Variants in SGMS1 observed in about 807,000 individuals in gnomAD.
SGMS1 encodes phosphatidylcholine:ceramide cholinephosphotransferase 1.
Under a neutral mutation model 46.2 loss-of-function variants are expected in SGMS1, and 13 were observed. The observed-to-expected ratio is 0.28, with a 90% CI of 0.18 to 0.45. SGMS1 has a LOEUF of 0.45. SGMS1 is among the 20% of genes least tolerant of loss of function. The pLI is 1.00. For synonymous variants in SGMS1, 203 were observed against 187.8 expected, an observed-to-expected ratio of 1.08 and a Z score of -0.66; for missense variants, 324 against 519.9, an observed-to-expected ratio of 0.62 and a Z score of 3.66.
At chr10:50,406,079 T>A (rs1849010510) in intron 6 of SGMS1, among the ~76,000 whole-genome samples, 1 of 152,070 alleles carries the variant, frequency 6.6e-6, no homozygotes, top group South Asian at 2.1e-4. Flanking sequence ...AAAATAATAA[T>A]AAAGGCTCTG....
At chr10:50,527,459 A>T (rs949666740) in intron 2 of SGMS1, among the ~76,000 whole-genome samples, 4 of 152,208 alleles carry the variant, frequency 2.6e-5, no homozygotes, top group African/African-American at 9.6e-5. Flanking sequence ...AGGCACAGAG[A>T]GAAAATATAA....
At chr10:50,369,025 C>T (rs900512827) in intron 6 of SGMS1, among the ~76,000 whole-genome samples, 1 of 152,132 alleles carries the variant, frequency 6.6e-6, no homozygotes, top group Non-Finnish European at 1.5e-5. Flanking sequence ...TATATAACAT[C>T]AAACATATGA....
chr10:50,529,481 G>A (rs1435192382), intron 2 of SGMS1, among the ~76,000 whole-genome samples: 1 of 152,204 alleles, frequency 6.6e-6, no homozygotes, highest in Non-Finnish European at 1.5e-5. Flanking sequence ...GTGAGGGGCT[G>A]CCCGAGGAGG....
chr10:50,357,187 G>C (rs902419614), intron 6 of SGMS1, among the ~76,000 whole-genome samples: 1 of 151,372 alleles, frequency 6.6e-6, no homozygotes, highest in African/African-American at 2.4e-5. Flanking sequence ...ATTCAATTTG[G>C]CTCCAATTTT....
intron 3 of SGMS1, among the ~76,000 whole-genome samples, chr10:50,492,105 T>C (rs1837572533): frequency 6.6e-6 from 1 of 152,270 alleles, no homozygotes; most frequent in South Asian, 2.1e-4. Context: ...AGGGTTTTGA[T>C]AAAATTCAAC....
intron 2 of SGMS1, among the ~76,000 whole-genome samples, chr10:50,558,503 C>G (rs1195119176): frequency 6.6e-6 from 1 of 152,180 alleles, no homozygotes; most frequent in Non-Finnish European, 1.5e-5. Flanking sequence ...AAAATGGGAT[C>G]TGGCATCCTT....
intron 2 of SGMS1, among the ~76,000 whole-genome samples, chr10:50,526,710 T>C (rs939203346): frequency 6.6e-6 from 1 of 152,200 alleles, no homozygotes; most frequent in Non-Finnish European, 1.5e-5. Flanking sequence ...ATTCAATCCC[T>C]GATTCTGTTA....
intron 6 of SGMS1, among the ~76,000 whole-genome samples, chr10:50,356,960 T>TA (rs1848162770): frequency 6.6e-6 from 1 of 151,934 alleles, no homozygotes; most frequent in Admixed American, 6.6e-5. Flanking sequence ...GAGATATACC[T>TA]AATGCTAAAT....
At chr10:50,545,890 T>A (rs562227930) in intron 2 of SGMS1, among the ~76,000 whole-genome samples, 2 of 152,220 alleles carry the variant, frequency 1.3e-5, no homozygotes, top group South Asian at 4.2e-4. Context: ...GCCTCATAGG[T>A]CATAATAAAT....
intron 3 of SGMS1, among the ~76,000 whole-genome samples, chr10:50,495,949 G>T (rs529134806): frequency 6.6e-6 from 1 of 152,108 alleles, no homozygotes; most frequent in Non-Finnish European, 1.5e-5. Flanking sequence ...TGTTTACAGA[G>T]CTTTTTAAAG....
rs778335134 is a variant in SGMS1 at position 50,472,600 on chromosome 10, A to C, written c.-497-5668T>G. ...GATAATGGACTCCTAGGTTGTTTCCATATCTGAGCTATTGTGAATAAGGAC... is the reference window on the plus strand; with the variant it reads ...GATAATGGACTCCTAGGTTGTTTCCCTATCTGAGCTATTGTGAATAAGGAC... On this transcript the variant is annotated intron_variant, in intron 3 of 10. Coordinates refer to ENST00000361781, the MANE Select transcript of SGMS1 (RefSeq NM_147156.4). 1.7e-3 allele frequency among the ~76,000 whole-genome samples: 264 copies of C among 152,262 alleles called. 1 individual carries two copies. The highest frequency in any genetic ancestry group is 3.3e-3 in the Non-Finnish European group (223 of 68,008).
intron 6 of SGMS1, among the ~76,000 whole-genome samples, chr10:50,432,178 C>G (rs544082025): frequency 1.3e-5 from 2 of 152,184 alleles, no homozygotes; most frequent in South Asian, 4.2e-4. Flanking sequence ...TTATACCAGG[C>G]CACTAGAACC....
At chr10:50,444,033 A>G (rs1836976497) in intron 5 of SGMS1, among the ~76,000 whole-genome samples, 2 of 152,160 alleles carry the variant, frequency 1.3e-5, no homozygotes, top group South Asian at 2.1e-4. Flanking sequence ...TAAATGTTAT[A>G]CTAAAAATAT....
intron 6 of SGMS1, among the ~76,000 whole-genome samples, chr10:50,365,412 G>T (rs1358435247): frequency 6.6e-6 from 1 of 151,794 alleles, no homozygotes; most frequent in African/African-American, 2.4e-5. Flanking sequence ...CTATACTGAA[G>T]TTTTTTTTAA....
At chr10:50,597,538 T>C (rs1049946325) in intron 1 of SGMS1, among the ~76,000 whole-genome samples, 4 of 152,134 alleles carry the variant, frequency 2.6e-5, no homozygotes, top group African/African-American at 9.7e-5. Context: ...ATAATCCCAC[T>C]TACATAATAG....
chr10:50,621,391 T>C (rs183805659), intron 1 of SGMS1, among the ~76,000 whole-genome samples: 99 of 152,348 alleles, frequency 6.5e-4, no homozygotes, highest in Admixed American at 9.8e-4. Context: ...CAATCATGTC[T>C]TACGAAAACA....
chr10:50,603,408 C>T lies in SGMS1; in HGVS notation c.-683-13161G>A, dbSNP rs752581175. Among the ~76,000 whole-genome samples the T allele has an allele frequency of 1.4e-4, 21 of 152,274 alleles. 1 individual carries two copies. The highest frequency in any genetic ancestry group is 3.4e-3 in the Middle Eastern group (1 of 294). ...CACCTTGGTTTTGTTTTCATTTAAC[C>T]ATGATGCACACCTCTCACTATCTGA... On this transcript the variant is annotated intron_variant, in intron 1 of 10. Coordinates refer to ENST00000361781, the MANE Select transcript of SGMS1 (RefSeq NM_147156.4).
chr10:50,358,290 G>A (rs1848188864), intron 6 of SGMS1, among the ~76,000 whole-genome samples: 1 of 152,032 alleles, frequency 6.6e-6, no homozygotes, highest in Non-Finnish European at 1.5e-5. Flanking sequence ...ACTACCTGTG[G>A]GGTACCTTGT....
At chr10:50,360,927 G>T (rs1269824777) in intron 6 of SGMS1, among the ~76,000 whole-genome samples, 5 of 152,332 alleles carry the variant, frequency 3.3e-5, no homozygotes, top group Admixed American at 3.3e-4. Context: ...GATGGCTTAG[G>T]AAAAGGGTGA....
Sources: gnomAD v4.1 joint callset for allele counts (sites outside exome capture counted in the v4.1 genomes callset) on GRCh38, gnomAD v4.1.1 for gene constraint, MANE v1.5 for transcripts, NCBI Gene and HGNC (gene_info 2026-07-23, HGNC 2026-07-21) for gene names.